The following ARHGEF33 variants were observed in gnomAD, a reference collection of about 807,000 sequenced individuals.
ARHGEF33 encodes the protein Rho guanine nucleotide exchange factor 33.
ARHGEF33 carries 72 observed loss-of-function variants against 101.9 expected under a neutral mutation model. That is an observed-to-expected ratio of 0.71 (90% CI 0.58 to 0.86). The LOEUF is 0.86. ARHGEF33 is among the 40% of genes least tolerant of loss of function. The pLI is 0.00. For missense variants in ARHGEF33, 1,169 were observed against 1,111.3 expected, an observed-to-expected ratio of 1.05 and a Z score of -0.74; for synonymous variants, 499 against 442.5, an observed-to-expected ratio of 1.13 and a Z score of -1.60.
At chr2:38,967,199 G>A (rs1668067939) in intron 17 of ARHGEF33, among the ~76,000 whole-genome samples, 1 of 152,220 alleles carries the variant, frequency 6.6e-6, no homozygotes, top group African/African-American at 2.4e-5. Flanking sequence ...CTGGAGTGAG[G>A]ACTTTGTTTT....
chr2:38,907,417 A>G (rs569763335), intron 2 of ARHGEF33, among the ~76,000 whole-genome samples: 5 of 152,124 alleles, frequency 3.3e-5, no homozygotes, highest in Non-Finnish European at 7.4e-5. Context: ...ATTGGATGTC[A>G]TTTCATCTGA....
At position 38,966,091 on chromosome 2, in the gene ARHGEF33, G is replaced by C. The variant is rs1393355759; in HGVS notation, c.2429G>C (p.Arg810Thr). Reference protein sequence around the residue: ...EQTSFSDQNPRQDQKGGFRSS... With the variant: ...EQTSFSDQNPTQDQKGGFRSS... ...ACATCTTTCAGCGATCAAAATCCCA[G>C]GCAAGACCAGAAGGGGGGCTTTCGC... Residue 810 changes from arginine to threonine, a missense_variant, in exon 17 of 18, where the codon AGG (arginine) becomes ACG (threonine). Coordinates refer to ENST00000409978, the MANE Select transcript of ARHGEF33 (RefSeq NM_001145451.5). 1.5e-5 allele frequency: 23 copies of C among 1,551,600 alleles called. No homozygotes were observed. Among genetic ancestry groups the C allele is most frequent in the Admixed American group, 5.9e-5 (3 of 50,986 alleles).
chr2:38,959,615 C>A (rs1361267448), intron 15 of ARHGEF33: 4 of 484,818 alleles, frequency 8.3e-6, no homozygotes, highest in Non-Finnish European at 1.1e-5. Flanking sequence ...AGGCCATTTC[C>A]CAGAAGCTCA....
chr2:38,901,295 C>T, intron 2 of ARHGEF33, among the ~76,000 whole-genome samples: 1 of 152,138 alleles, frequency 6.6e-6, no homozygotes, highest in Non-Finnish European at 1.5e-5. Flanking sequence ...TGTTTTAGCA[C>T]CTCTGATAAA....
At chr2:38,953,126 AG>A in intron 11 of ARHGEF33, 35 bp from the exon 12 acceptor site, 2 of 952,336 alleles carry the variant, frequency 2.1e-6, no homozygotes, top group Non-Finnish European at 3.3e-6. Flanking sequence ...TCCTGTTTTC[AG>A]GTTCTTACCA....
intron 2 of ARHGEF33, among the ~76,000 whole-genome samples, chr2:38,912,131 T>G (rs1200850633): frequency 2.0e-5 from 3 of 152,260 alleles, no homozygotes; most frequent in African/African-American, 7.2e-5. Flanking sequence ...TTTTCCCCAG[T>G]GTCCGCCAAG....
intron 2 of ARHGEF33, among the ~76,000 whole-genome samples, chr2:38,914,235 T>G (rs998203046): frequency 6.6e-6 from 1 of 152,154 alleles, no homozygotes; most frequent in Non-Finnish European, 1.5e-5. Context: ...AACACCAACA[T>G]GTAAGGCTCT....
At chr2:38,905,782 C>G (rs771128015) in intron 2 of ARHGEF33, among the ~76,000 whole-genome samples, 12 of 152,120 alleles carry the variant, frequency 7.9e-5, no homozygotes, top group African/African-American at 1.9e-4. Flanking sequence ...CGTGTGTGCC[C>G]TGTTAGATCA....
At chr2:38,944,645 C>G (rs1000295811) in intron 10 of ARHGEF33, among the ~76,000 whole-genome samples, 6 of 152,192 alleles carry the variant, frequency 3.9e-5, no homozygotes, top group Non-Finnish European at 7.4e-5. Flanking sequence ...TCTAACATGT[C>G]TTTTAAAAAC....
chr2:38,940,941 T>C (rs1194193779), intron 9 of ARHGEF33, among the ~76,000 whole-genome samples: 1 of 152,170 alleles, frequency 6.6e-6, no homozygotes, highest in Admixed American at 6.5e-5. Context: ...AGTTGAGTCA[T>C]GGGTGTAGGT....
intron 17 of ARHGEF33, among the ~76,000 whole-genome samples, 199 bp from the exon 18 acceptor site, chr2:38,973,515 A>T (rs546127557): frequency 1.3e-5 from 2 of 152,326 alleles, no homozygotes; most frequent in East Asian, 3.9e-4. Flanking sequence ...CCCATAAAGC[A>T]TTAGAAAGAT....
chr2:38,937,318 T>TCCCCCCCCCCCCCCC lies in ARHGEF33; in HGVS notation c.566-11_566-10insCCCCCCCCCCCCCCC. ...GCAGTTTTCTTTGTTTCCCCGCCCCTCCCCCCACCCCACCAGGAGTGAACC... is the reference window on the plus strand; with the variant it reads ...GCAGTTTTCTTTGTTTCCCCGCCCCTCCCCCCCCCCCCCCCCCCCCCACCCCACCAGGAGTGAACC... On this transcript the variant is annotated splice_polypyrimidine_tract_variant and intron_variant, in intron 8 of 17. Coordinates refer to ENST00000409978, the MANE Select transcript of ARHGEF33 (RefSeq NM_001145451.5). 3.9e-6 allele frequency: 1 copy of TCCCCCCCCCCCCCCC among 255,338 alleles called. No homozygotes were observed. Among genetic ancestry groups the TCCCCCCCCCCCCCCC allele is most frequent in the Non-Finnish European group, 7.4e-6 (1 of 134,550 alleles). The allele number at this position is 255,338 out of a possible 1,614,324, so 15.8% of individuals were successfully genotyped here. A position where few individuals can be genotyped will look rare whatever the true frequency, so the allele number is the denominator to read the frequency against.
chr2:38,906,805 CAA>C (rs769713983), intron 2 of ARHGEF33, among the ~76,000 whole-genome samples: 20 of 50,426 alleles, frequency 4.0e-4, no homozygotes, highest in African/African-American at 4.3e-4. Context: ...CCTGTATCTA[CAA>C]AAAAAAAAAA....
intron 13 of ARHGEF33, among the ~76,000 whole-genome samples, chr2:38,955,928 C>G (rs983512295): frequency 2.0e-5 from 3 of 152,068 alleles, no homozygotes; most frequent in Admixed American, 2.0e-4. Flanking sequence ...CCTCACCTCC[C>G]AAAGTGCTGG....
intron 10 of ARHGEF33, among the ~76,000 whole-genome samples, chr2:38,944,618 C>T (rs1035743675): frequency 2.0e-5 from 3 of 152,260 alleles, no homozygotes; most frequent in African/African-American, 4.8e-5. Context: ...AGTATAGTCT[C>T]CTGGGCCTTC....
chr2:38,937,346 A>G lies in ARHGEF33; in HGVS notation c.577A>G (p.Thr193Ala). 3.0e-6 allele frequency: 3 copies of G among 1,009,176 alleles called. No individual in the cohort carries two copies. Among genetic ancestry groups the G allele is most frequent in the South Asian group, 1.4e-5 (1 of 72,544 alleles). 62.5% of individuals were successfully genotyped at this position (1,009,176 alleles called of 1,614,324 possible). The part of the protein sequence containing the change: ...KGMMGPGVNP[T>A]TPEAEENLKS... ...CCCCACCCCACCAGGAGTGAACCCAACAACTCCAGAAGCAGAAGAAAACCT... is the reference window on the plus strand; with the variant it reads ...CCCCACCCCACCAGGAGTGAACCCAGCAACTCCAGAAGCAGAAGAAAACCT... Residue 193 changes from threonine to alanine, a missense_variant, in exon 9 of 18, where the codon ACA becomes GCA. Thr to Ala is a moderately conservative substitution (Grantham distance 58, BLOSUM62 0). Coordinates refer to ENST00000409978, the MANE Select transcript of ARHGEF33 (RefSeq NM_001145451.5).
At chr2:38,923,415 A>C (rs559557986) in intron 4 of ARHGEF33, among the ~76,000 whole-genome samples, 3 of 152,298 alleles carry the variant, frequency 2.0e-5, no homozygotes, top group African/African-American at 7.2e-5. Flanking sequence ...AAGGGAGGGC[A>C]CCAGAAGCAA....
intron 2 of ARHGEF33, among the ~76,000 whole-genome samples, chr2:38,909,836 G>A (rs927026271): frequency 2.0e-5 from 3 of 151,202 alleles, no homozygotes; most frequent in Non-Finnish European, 4.4e-5. Flanking sequence ...GCTTCTAAGG[G>A]TCACACTGTA....
At chr2:38,929,168 C>A in intron 5 of ARHGEF33, 97 bp downstream of exon 5, 1 of 878,028 alleles carries the variant, frequency 1.1e-6, no homozygotes, top group South Asian at 1.8e-5. Context: ...TGGTGGCTCA[C>A]GCCTGTAATC....
Sources: gnomAD v4.1 joint callset for allele counts (sites outside exome capture counted in the v4.1 genomes callset) on GRCh38, gnomAD v4.1.1 for gene constraint, MANE v1.5 for transcripts, NCBI Gene and HGNC (gene_info 2026-07-23, HGNC 2026-07-21) for gene names.